Variants in TRAPPC9 observed in about 807,000 individuals in gnomAD.
TRAPPC9 encodes trafficking protein particle complex subunit 9.
In TRAPPC9, 83 loss-of-function variants were observed where a neutral mutation model predicts 124.0. The observed-to-expected ratio is 0.67, with a 90% CI of 0.56 to 0.80. The LOEUF (loss-of-function observed/expected upper bound fraction) is 0.80, where lower values mean the gene tolerates loss of function less well. TRAPPC9 is among the 30% of genes least tolerant of loss of function. The probability of loss-of-function intolerance (pLI) is 0.00; values close to 1 mark genes in which losing one functional copy is unlikely to be tolerated. For synonymous variants in TRAPPC9, 638 were observed against 617.5 expected, an observed-to-expected ratio of 1.03 and a Z score of -0.49; for missense variants, 1,302 against 1,508.3, an observed-to-expected ratio of 0.86 and a Z score of 2.27.
At chr8:139,796,857 C>G (rs370110160) in intron 21 of TRAPPC9, among the ~76,000 whole-genome samples, 33 of 152,354 alleles carry the variant, frequency 2.2e-4, no homozygotes, top group South Asian at 1.9e-3. Flanking sequence ...CTATTACATT[C>G]CCACCAGCAG....
At chr8:140,246,837 T>C (rs1052204703) in intron 16 of TRAPPC9, among the ~76,000 whole-genome samples, 3 of 152,080 alleles carry the variant, frequency 2.0e-5, no homozygotes, top group African/African-American at 7.2e-5. Context: ...ATACAAAAAT[T>C]ACCCAGGTGT....
At chr8:140,055,126 C>T (rs891164574) in intron 17 of TRAPPC9, among the ~76,000 whole-genome samples, 10 of 152,234 alleles carry the variant, frequency 6.6e-5, no homozygotes, top group South Asian at 2.1e-4. Flanking sequence ...TTAACATGGA[C>T]GCAAAAATCA....
chr8:140,371,091 C>T lies in TRAPPC9; in HGVS notation c.1224G>A (p.Lys408=). 1.9e-6 allele frequency: 3 copies of T among 1,614,238 alleles called. No individual in the cohort carries two copies. Among genetic ancestry groups the T allele is most frequent in the Non-Finnish European group, 2.5e-6 (3 of 1,180,046 alleles). ...CCACGCACTGCATGGCGGCCACGCG[C>T]TTGAAGAACGCAGACTTGCGATGGA... is the stretch of plus-strand genomic sequence containing the variant. ...IGFHRKSAFF[K]RVAAMQCVAP... The change falls in exon 8 of 23, where the codon AAG becomes AAA. Residue 408 remains lysine (K), a synonymous_variant. Coordinates refer to ENST00000438773, the MANE Select transcript of TRAPPC9 (RefSeq NM_001160372.4).
intron 21 of TRAPPC9, among the ~76,000 whole-genome samples, chr8:139,733,120 T>G (rs1163123300): frequency 6.6e-6 from 1 of 152,128 alleles, no homozygotes; most frequent in Non-Finnish European, 1.5e-5. Flanking sequence ...TTTGAAGATG[T>G]AATTAAGTGA....
rs116088481 is a variant in TRAPPC9, at chr8:140,112,652, C to T, written c.2557-88573G>A. On this transcript the variant is annotated intron_variant, in intron 17 of 22. Coordinates refer to ENST00000438773, the MANE Select transcript of TRAPPC9 (RefSeq NM_001160372.4). ...AACTGCAGGTCAGAGCCGGTGGGTT[C>T]GTCATTATCTCCTAGTCTCATAACA... Among the ~76,000 whole-genome samples the T allele has an allele frequency of 2.7e-3, 411 of 152,192 alleles. 2 individuals are homozygous for T. Among genetic ancestry groups the T allele is most frequent in the African/African-American group, 9.2e-3 (383 of 41,536 alleles).
chr8:139,765,490 G>A (rs1297564538), intron 21 of TRAPPC9, among the ~76,000 whole-genome samples: 5 of 152,248 alleles, frequency 3.3e-5, no homozygotes, highest in Admixed American at 6.5e-5. Flanking sequence ...CAGGGTGGCC[G>A]TGGGTGGGAG....
intron 18 of TRAPPC9, among the ~76,000 whole-genome samples, chr8:140,015,647 A>AT (rs201724806): frequency 2.0e-3 from 185 of 93,626 alleles, no homozygotes; most frequent in African/African-American, 7.0e-3. Context: ...AACAATAAAA[A>AT]TAAAAAAAAA....
chr8:140,254,337 G>A (rs564982669), intron 15 of TRAPPC9, among the ~76,000 whole-genome samples: 3 of 152,282 alleles, frequency 2.0e-5, no homozygotes, highest in South Asian at 2.1e-4. Flanking sequence ...CTGGGGAGCC[G>A]GGGGCAGCCC....
intron 21 of TRAPPC9, among the ~76,000 whole-genome samples, chr8:139,809,642 C>A (rs1022559679): frequency 1.8e-4 from 28 of 152,252 alleles, no homozygotes; most frequent in African/African-American, 6.7e-4. Context: ...GACAGCCCAG[C>A]CCTGATCTTC....
chr8:139,848,367 C>T (rs1827234604), intron 21 of TRAPPC9, among the ~76,000 whole-genome samples: 1 of 152,216 alleles, frequency 6.6e-6, no homozygotes, highest in Non-Finnish European at 1.5e-5. Context: ...GCATGAGAGA[C>T]ATGCACACAT....
At chr8:139,833,907 A>T (rs903767968) in intron 21 of TRAPPC9, among the ~76,000 whole-genome samples, 1 of 152,086 alleles carries the variant, frequency 6.6e-6, no homozygotes, top group Non-Finnish European at 1.5e-5. Flanking sequence ...GTCAGGAGGG[A>T]TCAGAAACAT....
intron 17 of TRAPPC9, among the ~76,000 whole-genome samples, chr8:140,166,116 TGC>T (rs1405493441): frequency 6.6e-6 from 1 of 152,102 alleles, no homozygotes; most frequent in Admixed American, 6.5e-5. Flanking sequence ...GCAACCTCAG[TGC>T]GATAACACTC....
rs114703399 is a variant in TRAPPC9, at chr8:139,934,163, C to T, written c.2811-23863G>A. ...TTCATTCAACAAAATGCTTTGTGTG[C>T]CGACACTAACAGCCACTGTTTTAGG... On this transcript the variant is annotated intron_variant, in intron 19 of 22. Transcript: ENST00000438773. Among the ~76,000 whole-genome samples, 925 of 152,148 alleles carry T rather than the reference C, an allele frequency of 6.1e-3. 12 individuals are homozygous for T. Among genetic ancestry groups the T allele is most frequent in the African/African-American group, 0.021 (862 of 41,510 alleles).
chr8:140,156,369 A>G (rs908453183), intron 17 of TRAPPC9, among the ~76,000 whole-genome samples: 1 of 152,242 alleles, frequency 6.6e-6, no homozygotes, highest in Non-Finnish European at 1.5e-5. Context: ...AAAAGTGAAA[A>G]TAATGATAAT....
chr8:139,840,170 C>T (rs866222740), intron 21 of TRAPPC9, among the ~76,000 whole-genome samples: 2 of 152,228 alleles, frequency 1.3e-5, no homozygotes, highest in African/African-American at 2.4e-5. Flanking sequence ...ATTACTGCCA[C>T]GCCTCTCCTC....
chr8:140,085,594 G>A (rs995293994), intron 17 of TRAPPC9, among the ~76,000 whole-genome samples: 3 of 152,212 alleles, frequency 2.0e-5, no homozygotes, highest in Non-Finnish European at 2.9e-5. Context: ...GTGCTGGAGG[G>A]AGCCCAGGAC....
At chr8:139,762,908 G>C (rs1407614956) in intron 21 of TRAPPC9, among the ~76,000 whole-genome samples, 1 of 152,218 alleles carries the variant, frequency 6.6e-6, no homozygotes, top group African/African-American at 2.4e-5. Context: ...CTGGTGATGG[G>C]AGGTGGAGCA....
intron 3 of TRAPPC9, among the ~76,000 whole-genome samples, chr8:140,437,698 A>G (rs1218335474): frequency 6.6e-6 from 1 of 152,156 alleles, no homozygotes; most frequent in Non-Finnish European, 1.5e-5. Flanking sequence ...AACTCACCTC[A>G]TTACTTCATT....
chr8:139,849,181 C>A (rs1359513918), intron 21 of TRAPPC9, among the ~76,000 whole-genome samples: 2 of 152,222 alleles, frequency 1.3e-5, no homozygotes, highest in South Asian at 2.1e-4. Context: ...GAGAAAAGAT[C>A]TCCCGAGAAC....
Sources: allele counts gnomAD v4.1 joint callset (sites outside exome capture counted in the v4.1 genomes callset), GRCh38; gene constraint gnomAD v4.1.1; transcripts MANE v1.5; gene names NCBI Gene and HGNC (gene_info 2026-07-23, HGNC 2026-07-21).